The following GRID2 variants were observed in gnomAD, a reference collection of about 807,000 sequenced individuals.
GRID2 encodes glutamate receptor ionotropic, delta-2.
In GRID2, 33 loss-of-function variants were observed where a neutral mutation model predicts 114.8. That is an observed-to-expected ratio of 0.29 (90% confidence interval 0.22 to 0.38). The LOEUF (loss-of-function observed/expected upper bound fraction) is 0.38, where lower values mean the gene tolerates loss of function less well. Among genes scored for constraint, GRID2 ranks in the 10% least tolerant of loss-of-function variants. The pLI, the probability that GRID2 is intolerant of heterozygous loss-of-function variation, is 1.00. For missense variants in GRID2, 1,184 were observed against 1,257.7 expected, an observed-to-expected ratio of 0.94 and a Z score of 0.89; for synonymous variants, 505 against 449.9, an observed-to-expected ratio of 1.12 and a Z score of -1.55.
At chr4:92,818,506 A>G (rs1221052671) in intron 2 of GRID2, among the ~76,000 whole-genome samples, 1 of 152,138 alleles carries the variant, frequency 6.6e-6, no homozygotes, top group Non-Finnish European at 1.5e-5. Flanking sequence ...TATTTTGCCT[A>G]TACTAATGGA....
At position 93,203,528 on chromosome 4, in the gene GRID2, G is replaced by T. The variant is rs184779492; in HGVS notation, c.736-3876G>T. Among the ~76,000 whole-genome samples, 5 of 152,064 alleles carry T rather than the reference G, an allele frequency of 3.3e-5. No homozygotes were observed. In the East Asian group the frequency reaches 9.7e-4, roughly 29 times the overall value. ...TATTCAATATTTTTGAAAAGGCCAA[G>T]AAATATTGCATAATTTTGAAATCAT... On this transcript the variant is annotated intron_variant, in intron 4 of 15. Coordinates refer to ENST00000282020, the MANE Select transcript of GRID2 (RefSeq NM_001510.4).
Position 92,312,698 on chromosome 4 carries a change from G to A in GRID2, c.88+7954G>A, listed in dbSNP as rs562478054. Among the ~76,000 whole-genome samples, 4 of 152,160 alleles carry A rather than the reference G, an allele frequency of 2.6e-5. No homozygotes were observed. In the East Asian group the frequency reaches 7.7e-4, roughly 29 times the overall value. The stretch of plus-strand genomic sequence containing the variant: ...ATATGATCCTGAAATTAAGAGGTGA[G>A]TTTGGGATTTGAGCTGTACATTTGG... On this transcript the variant is annotated intron_variant, in intron 1 of 15. Transcript: ENST00000282020.
intron 1 of GRID2, among the ~76,000 whole-genome samples, chr4:92,331,385 C>G (rs996634390): frequency 2.6e-5 from 4 of 152,110 alleles, no homozygotes; most frequent in Non-Finnish European, 5.9e-5. Context: ...GTTAGCTGAG[C>G]ATTGATCTGT....
At chr4:92,725,361 A>T (rs770198847) in intron 2 of GRID2, among the ~76,000 whole-genome samples, 3 of 152,166 alleles carry the variant, frequency 2.0e-5, no homozygotes, top group African/African-American at 7.2e-5. Flanking sequence ...AGAGTCTAAC[A>T]TCCTTATTAT....
At chr4:92,659,670 G>C (rs1369006911) in intron 2 of GRID2, among the ~76,000 whole-genome samples, 1 of 151,394 alleles carries the variant, frequency 6.6e-6, no homozygotes, top group East Asian at 1.9e-4. Context: ...ACAAGGATGT[G>C]GGGGGAAAGT....
chr4:92,345,911 C>A (rs1727739845), intron 1 of GRID2, among the ~76,000 whole-genome samples: 1 of 152,130 alleles, frequency 6.6e-6, no homozygotes, highest in Non-Finnish European at 1.5e-5. Context: ...TTTTAGTATA[C>A]AAATGATACA....
chr4:93,475,756 G>A (rs1725262354), intron 11 of GRID2, among the ~76,000 whole-genome samples: 1 of 152,040 alleles, frequency 6.6e-6, no homozygotes, highest in African/African-American at 2.4e-5. Flanking sequence ...TGGCAAAATG[G>A]GTGCAATTTT....
intron 3 of GRID2, among the ~76,000 whole-genome samples, chr4:93,094,513 C>A (rs1731040269): frequency 6.6e-6 from 1 of 151,584 alleles, no homozygotes; most frequent in Non-Finnish European, 1.5e-5. Context: ...CTAATGTAAC[C>A]AGAATAACTC....
chr4:93,545,030 C>A (rs1330814398), intron 13 of GRID2, among the ~76,000 whole-genome samples: 1 of 152,114 alleles, frequency 6.6e-6, no homozygotes, highest in Non-Finnish European at 1.5e-5. Context: ...TCACTCACTT[C>A]TTTATAACTC....
chr4:92,977,371 G>C (rs1753942110), intron 2 of GRID2, among the ~76,000 whole-genome samples: 1 of 152,100 alleles, frequency 6.6e-6, no homozygotes, highest in Non-Finnish European at 1.5e-5. Flanking sequence ...GGAAATACAA[G>C]GGTTCAAGGT....
intron 2 of GRID2, among the ~76,000 whole-genome samples, chr4:92,651,589 G>A (rs982806501): frequency 6.6e-6 from 1 of 151,984 alleles, no homozygotes; most frequent in Non-Finnish European, 1.5e-5. Flanking sequence ...TTTTCATTCT[G>A]AGAGGTCAGT....
Position 92,975,156 on chromosome 4 carries a change from CA to C in GRID2, c.245-109818del, listed in dbSNP as rs527770693. Among the ~76,000 whole-genome samples, 204 of 46,682 alleles carry C rather than the reference CA, an allele frequency of 4.4e-3. 3 individuals carry two copies. The highest frequency in any genetic ancestry group is 0.039 in the South Asian group (36 of 934). 30.6% of individuals were successfully genotyped at this position (46,682 alleles called of 152,430 possible). ...TGGGCGACAGAGTGAGATTCCGCCT[CA>C]AAAAAAAAAAAAAAAAAAAAGGTGT... On this transcript the variant is annotated intron_variant, in intron 2 of 15. Transcript: ENST00000282020.
At chr4:93,499,031 G>T (rs1176242885) in intron 12 of GRID2, among the ~76,000 whole-genome samples, 1 of 151,838 alleles carries the variant, frequency 6.6e-6, no homozygotes, top group African/African-American at 2.4e-5. Flanking sequence ...TTATTGATTG[G>T]TATGCTCGGG....
intron 1 of GRID2, among the ~76,000 whole-genome samples, chr4:92,380,503 G>C (rs1479609301): frequency 2.0e-5 from 3 of 151,762 alleles, no homozygotes; most frequent in Non-Finnish European, 2.9e-5. Flanking sequence ...CTACATATTT[G>C]ATTTGGCTCC....
intron 1 of GRID2, among the ~76,000 whole-genome samples, chr4:92,341,475 C>A (rs1483436000): frequency 6.6e-6 from 1 of 152,056 alleles, no homozygotes; most frequent in Non-Finnish European, 1.5e-5. Context: ...AGAGCTGCTT[C>A]TACCCCCATC....
intron 8 of GRID2, among the ~76,000 whole-genome samples, chr4:93,292,051 T>C (rs918531514): frequency 6.6e-6 from 1 of 152,230 alleles, no homozygotes; most frequent in African/African-American, 2.4e-5. Context: ...GATATGATGG[T>C]GATAAGTCAC....
chr4:93,314,680 T>A (rs1756392499), intron 8 of GRID2, among the ~76,000 whole-genome samples: 1 of 152,100 alleles, frequency 6.6e-6, no homozygotes, highest in South Asian at 2.1e-4. Context: ...TTTCATGCAA[T>A]TTTATTGAGA....
chr4:92,611,625 CCTT>C (rs1430625205), intron 2 of GRID2, among the ~76,000 whole-genome samples: 7 of 151,652 alleles, frequency 4.6e-5, no homozygotes, highest in African/African-American at 7.2e-5. Flanking sequence ...TTAATGTTTA[CCTT>C]CTTATGTAAC....
chr4:93,733,761 T>C (rs1730690557), intron 14 of GRID2, among the ~76,000 whole-genome samples: 1 of 152,038 alleles, frequency 6.6e-6, no homozygotes, highest in South Asian at 2.1e-4. Flanking sequence ...ATCTGCAGGA[T>C]CTGTTGATGC....
Sources: gnomAD v4.1 joint callset for allele counts (sites outside exome capture counted in the v4.1 genomes callset) on GRCh38, gnomAD v4.1.1 for gene constraint, MANE v1.5 for transcripts, NCBI Gene and HGNC (gene_info 2026-07-23, HGNC 2026-07-21) for gene names.